The following NCALD variants were observed in gnomAD, a reference collection of about 807,000 sequenced individuals.
The protein encoded by NCALD is neurocalcin delta, also known as neurocalcin-delta.
Under a neutral mutation model 18.6 loss-of-function variants are expected in NCALD, and 10 were observed. That is an observed-to-expected ratio of 0.54 (90% CI 0.33 to 0.91). NCALD has a LOEUF of 0.91. Among genes scored for constraint, NCALD ranks in the 40% least tolerant of loss-of-function variants. The pLI is 0.03. For synonymous variants in NCALD, 88 were observed against 87.4 expected (o/e 1.01, Z -0.04); for missense variants, 184 against 247.6 (o/e 0.74, Z 1.72).
chr8:101,774,027 G>A (rs1248327355), intron 1 of NCALD, among the ~76,000 whole-genome samples: 1 of 152,190 alleles, frequency 6.6e-6, no homozygotes, highest in Admixed American at 6.5e-5. Context: ...ATGCTGCTAT[G>A]ACAAGTAAGG....
At chr8:102,004,270 C>T (rs1341484451) in intron 2 of NCALD, among the ~76,000 whole-genome samples, 1 of 152,142 alleles carries the variant, frequency 6.6e-6, no homozygotes, top group Non-Finnish European at 1.5e-5. Context: ...GAGTGAACTC[C>T]CATTCACAAC....
intron 1 of NCALD, among the ~76,000 whole-genome samples, chr8:102,089,231 A>G (rs1824843178): frequency 6.6e-6 from 1 of 152,138 alleles, no homozygotes; most frequent in Non-Finnish European, 1.5e-5. Flanking sequence ...CATCTCTACT[A>G]AAAACACAAA....
intron 1 of NCALD, among the ~76,000 whole-genome samples, chr8:102,059,564 C>A (rs1311023143): frequency 1.3e-5 from 2 of 152,142 alleles, no homozygotes; most frequent in Non-Finnish European, 2.9e-5. Context: ...ACATGTAAAA[C>A]CATTAGTAAA....
chr8:101,790,950 C>G lies in NCALD; in HGVS notation c.-108G>C, dbSNP rs185857589. On this transcript the variant is annotated 5_prime_UTR_variant, in exon 1 of 4. Transcript: ENST00000220931. ...CAGCAGCAGCAAGGTCCAGCATCCACCAGATTCTCACAAGCCTTTGACTGT... is the reference window on the plus strand; with the variant it reads ...CAGCAGCAGCAAGGTCCAGCATCCAGCAGATTCTCACAAGCCTTTGACTGT... 6.6e-6 allele frequency: 1 copy of G among 152,446 alleles called. No homozygotes were observed. The highest frequency in any genetic ancestry group is 6.5e-5 in the Admixed American group (1 of 15,304). 9.4% of individuals were successfully genotyped at this position (152,446 alleles called of 1,614,324 possible). A position where few individuals can be genotyped will look rare whatever the true frequency, so the allele number is the denominator to read the frequency against.
At chr8:101,868,681 G>A (rs936795669) in intron 4 of NCALD, among the ~76,000 whole-genome samples, 2 of 151,980 alleles carry the variant, frequency 1.3e-5, no homozygotes, top group Non-Finnish European at 2.9e-5. Flanking sequence ...CCAAAAACAA[G>A]GCTTTCTGCA....
At chr8:101,990,943 A>G (rs749293390) in intron 2 of NCALD, among the ~76,000 whole-genome samples, 1 of 152,194 alleles carries the variant, frequency 6.6e-6, no homozygotes, top group Non-Finnish European at 1.5e-5. Flanking sequence ...CTGAATGCCC[A>G]CTGTGGCTAG....
intron 1 of NCALD, among the ~76,000 whole-genome samples, chr8:102,099,673 G>A (rs566676869): frequency 5.9e-5 from 9 of 151,802 alleles, no homozygotes; most frequent in East Asian, 1.9e-4. Context: ...GCTGGGCACC[G>A]TGGCTCACGC....
In NCALD at chr8:101,830,066, A is replaced by T. The variant is rs139615964; in HGVS notation, c.-20+57075T>A. On this transcript the variant is annotated intron_variant, in intron 4 of 6. Transcript: ENST00000311028. The stretch of plus-strand genomic sequence containing the variant: ...TGCAAAATTTTAAAGTACTGTTGAG[A>T]ATCTTATGTTTTTAATCACCACAGG... 8.8e-3 allele frequency among the ~76,000 whole-genome samples: 1,319 copies of T among 150,158 alleles called. 9 individuals carry two copies. Among genetic ancestry groups the T allele is most frequent in the Non-Finnish European group, 0.013 (886 of 67,780 alleles).
At chr8:101,904,982 A>G (rs923686960) in intron 3 of NCALD, among the ~76,000 whole-genome samples, 2 of 152,202 alleles carry the variant, frequency 1.3e-5, no homozygotes, top group Admixed American at 1.3e-4. Flanking sequence ...AAAGGTGGCC[A>G]CATTTAGCAA....
intron 4 of NCALD, among the ~76,000 whole-genome samples, chr8:101,863,746 C>A (rs1426652777): frequency 1.3e-5 from 2 of 152,118 alleles, no homozygotes; most frequent in African/African-American, 4.8e-5. Flanking sequence ...GTGGGGAGGA[C>A]TAATTCAGAC....
At chr8:102,005,038 A>G (rs1472475653) in intron 2 of NCALD, among the ~76,000 whole-genome samples, 1 of 152,248 alleles carries the variant, frequency 6.6e-6, no homozygotes, top group Non-Finnish European at 1.5e-5. Flanking sequence ...ATGGGATCTA[A>G]TGAAACTAAA....
chr8:102,123,725 G>GC (rs1238632695), intron 1 of NCALD: 1 of 152,340 alleles, frequency 6.6e-6, no homozygotes, highest in Non-Finnish European at 1.5e-5. Context: ...CTCTCCCTTG[G>GC]CCCCCTCCCC....
rs11305701 is a variant in NCALD, at chr8:101,957,289, G to GTTTTT, written c.-156-41436_-156-41432dup. ...ATGGGTAGTAAAAAGAAAAGTTGGG[G>GTTTTT]TTTTTTTTTTTTTTTTTTTTTTTTT... On this transcript the variant is annotated intron_variant, in intron 2 of 6. Transcript: ENST00000311028. 7.7e-4 allele frequency among the ~76,000 whole-genome samples: 77 copies of GTTTTT among 99,486 alleles called. 3 individuals are homozygous for GTTTTT. Among genetic ancestry groups the GTTTTT allele is most frequent in the African/African-American group, 1.4e-3 (35 of 25,134 alleles). The allele number at this position is 99,486 out of a possible 152,430, so 65.3% of individuals were successfully genotyped here.
At chr8:101,748,030 A>G (rs114723243) in intron 1 of NCALD, among the ~76,000 whole-genome samples, 301 of 152,262 alleles carry the variant, frequency 2.0e-3, no homozygotes, top group African/African-American at 6.8e-3. Flanking sequence ...AAAAGTGATT[A>G]TTATACACTA....
At chr8:102,080,377 C>T (rs1211606880) in intron 1 of NCALD, among the ~76,000 whole-genome samples, 1 of 152,166 alleles carries the variant, frequency 6.6e-6, no homozygotes, top group Non-Finnish European at 1.5e-5. Flanking sequence ...CAATATACCA[C>T]GGCACACCAC....
In NCALD at chr8:101,688,471, C is replaced by T; in HGVS notation, c.*838G>A. 3.2e-6 allele frequency: 1 copy of T among 309,776 alleles called. No individual in the cohort carries two copies. Among genetic ancestry groups the T allele is most frequent in the Non-Finnish European group, 6.4e-6 (1 of 155,430 alleles). 19.2% of individuals were successfully genotyped at this position (309,776 alleles called of 1,614,324 possible). A position where few individuals can be genotyped will look rare whatever the true frequency, so the allele number is the denominator to read the frequency against. On this transcript the variant is annotated 3_prime_UTR_variant, in exon 4 of 4. Coordinates refer to ENST00000220931, the MANE Select transcript of NCALD (RefSeq NM_032041.3). ...TTACTTCACAATAAGCTACTAAAAA[C>T]AGTCTTCTGGAATAAGATTGTATTA...
At chr8:101,949,795 T>C (rs1290537531) in intron 2 of NCALD, among the ~76,000 whole-genome samples, 1 of 151,882 alleles carries the variant, frequency 6.6e-6, no homozygotes, top group East Asian at 1.9e-4. Flanking sequence ...AATCAGGTGA[T>C]ATTATGTATT....
chr8:101,997,426 C>G (rs1821278103), intron 2 of NCALD, among the ~76,000 whole-genome samples: 1 of 151,824 alleles, frequency 6.6e-6, no homozygotes, highest in Admixed American at 6.6e-5. Flanking sequence ...GCCCAAGAAC[C>G]CATCACCAAT....
intron 1 of NCALD, among the ~76,000 whole-genome samples, chr8:101,762,427 C>A (rs1434080421): frequency 2.0e-5 from 3 of 152,068 alleles, no homozygotes; most frequent in Non-Finnish European, 4.4e-5. Context: ...GCAAGAGGAA[C>A]ATAATATTAA....
Sources: allele counts gnomAD v4.1 joint callset (sites outside exome capture counted in the v4.1 genomes callset), GRCh38; gene constraint gnomAD v4.1.1; transcripts MANE v1.5; gene names NCBI Gene and HGNC (gene_info 2026-07-23, HGNC 2026-07-21).